Variants in GRN observed in about 807,000 individuals in gnomAD.
GRN encodes the protein granulin precursor.
In GRN, 30 loss-of-function variants were observed where a neutral mutation model predicts 66.7. The ratio of observed to expected loss-of-function variants is 0.45; its 90% confidence interval spans 0.34 to 0.61. The LOEUF (loss-of-function observed/expected upper bound fraction) is 0.61. Ranked by LOEUF, GRN falls within the 20% of genes least tolerant of loss-of-function variation. GRN has a pLI of 0.01. For missense variants in GRN, 731 were observed against 803.5 expected, an observed-to-expected ratio of 0.91 and a Z score of 1.09; for synonymous variants, 327 against 311.1, an observed-to-expected ratio of 1.05 and a Z score of -0.54.
intron 6 of GRN, 50 bp from the exon 7 acceptor site, chr17:44,350,641 G>GAA (rs1157530368): frequency 6.2e-7 from 1 of 1,612,064 alleles, no homozygotes; most frequent in Non-Finnish European, 8.5e-7. Context: ...CCAAGTGTAG[G>GAA]AAAAAGTTTC....
In GRN at chr17:44,349,559, T is replaced by A; in HGVS notation, c.264+8T>A. The A allele has an allele frequency of 1.2e-6, 2 of 1,614,156 alleles. No individual in the cohort carries two copies. Among genetic ancestry groups the A allele is most frequent in the Non-Finnish European group, 1.7e-6 (2 of 1,180,036 alleles). ...TGCTGCCCCTTCCCAGAGGTGAGCG[T>A]GCCATCAGCCCAGTGGAGGGGCTTA... is the stretch of plus-strand genomic sequence containing the variant. On this transcript the variant is annotated splice_region_variant and intron_variant, in intron 3 of 12. Transcript: ENST00000053867.
chr17:44,349,042 A>G, intron 1 of GRN, 116 bp from the exon 2 acceptor site: 1 of 1,126,152 alleles, frequency 8.9e-7, no homozygotes, highest in Non-Finnish European at 1.3e-6. Flanking sequence ...AGGTGTTGAG[A>G]AGGCTCAGGC....
chr17:44,349,619 C>T (rs910170371), intron 3 of GRN, 48 bp from the exon 4 acceptor site: 1 of 1,610,342 alleles, frequency 6.2e-7, no homozygotes, highest in Non-Finnish European at 8.5e-7. Context: ...ACTCTACCAC[C>T]TGCAGATAAA....
chr17:44,352,808 C>T lies in GRN; in HGVS notation c.*10C>T. The T allele has an allele frequency of 1.2e-6, 2 of 1,610,246 alleles. No homozygotes were observed. The highest frequency in any genetic ancestry group is 1.7e-6 in the Non-Finnish European group (2 of 1,179,822). ...GAGACAGCTGCTGTGAGGGACAGTA[C>T]TGAAGACTCTGCAGCCCTCGGGACC... On this transcript the variant is annotated 3_prime_UTR_variant, in exon 13 of 13. Transcript: ENST00000053867.
Position 44,352,268 on chromosome 17 carries a change from C to A in GRN, c.1413+20C>A. ...CCCCATGTGAGTGCCTCCCTGCCTG[C>A]CCCTGGATAGGGGAGCTAAGCCCAG... On this transcript the variant is annotated intron_variant, in intron 11 of 12. Coordinates refer to ENST00000053867, the MANE Select transcript of GRN (RefSeq NM_002087.4). 6.2e-7 allele frequency: 1 copy of A among 1,601,852 alleles called. No homozygotes were observed. The highest frequency in any genetic ancestry group is 8.5e-7 in the Non-Finnish European group (1 of 1,170,836).
At position 44,350,533 on chromosome 17, in the gene GRN, A is replaced by G; in HGVS notation, c.554A>G (p.His185Arg). The G allele has an allele frequency of 6.2e-7, 1 of 1,613,710 alleles. No individual in the cohort carries two copies. Among genetic ancestry groups the G allele is most frequent in the Non-Finnish European group, 8.5e-7 (1 of 1,179,904 alleles). ...CGCTGCATCACACCCACGGGCACCC[A>G]CCCCCTGGCAAAGAAGCTCCCTGCC... ...HTRCITPTGT[H>R]PLAKKLPAQR... Residue 185 changes from histidine (H) to arginine (R), a missense_variant, in exon 6 of 13, where the codon CAC (histidine) becomes CGC (arginine). By Grantham distance (29) the His-to-Arg change is conservative. This residue lies in a region of GRN where 370 missense variants were observed against 379.8 expected (regional missense o/e 0.97). Coordinates refer to ENST00000053867, the MANE Select transcript of GRN (RefSeq NM_002087.4).
chr17:44,350,906 G>C (rs1455208667), intron 7 of GRN, 106 bp downstream of exon 7: 1 of 1,406,036 alleles, frequency 7.1e-7, no homozygotes, highest in African/African-American at 1.4e-5. Context: ...CTGCTTGCTG[G>C]GAGCCTGGCT....
chr17:44,349,265 C>A lies in GRN; in HGVS notation c.101C>A (p.Pro34His). 6.2e-7 allele frequency: 1 copy of A among 1,614,000 alleles called. No homozygotes were observed. The highest frequency in any genetic ancestry group is 1.1e-5 in the South Asian group (1 of 91,092). The change falls in exon 2 of 13, where the codon CCC (proline) becomes CAC (histidine). Residue 34 changes from proline (P) to histidine (H), a missense_variant. By Grantham distance (77) the Pro-to-His change is moderately conservative. Around this residue, in one of 3 missense-constraint regions of GRN, gnomAD observed 370 missense variants for 379.8 expected, o/e 0.97. Transcript: ENST00000053867. ...TGCCCTGTGGCCTGCTGCCTGGACC[C>A]CGGAGGAGCCAGCTACAGCTGCTGC... ...QFCPVACCLDPGGASYSCCRP... is the reference protein window; with the variant it reads ...QFCPVACCLDHGGASYSCCRP...
Position 44,351,777 on chromosome 17 carries a change from C to T in GRN, c.1161C>T (p.Gly387=), listed in dbSNP as rs1480054724. ...TCCQLTSGEW[G]CCPIPEAVCC... ...GCCAACTCACGTCTGGGGAGTGGGG[C>T]TGCTGTCCAATCCCAGAGGTATATG... is the stretch of plus-strand genomic sequence containing the variant. The change falls in exon 10 of 13, where the codon GGC becomes GGT. Residue 387 remains glycine, a synonymous_variant. Coordinates refer to ENST00000053867, the MANE Select transcript of GRN (RefSeq NM_002087.4). 3.1e-6 allele frequency: 5 copies of T among 1,613,254 alleles called. No individual in the cohort carries two copies. The highest frequency in any genetic ancestry group is 2.2e-5 in the East Asian group (1 of 44,900).
In GRN at chr17:44,352,923, A is replaced by C; in HGVS notation, c.*125A>C. 1.6e-5 allele frequency: 15 copies of C among 918,864 alleles called. No homozygotes were observed. Among genetic ancestry groups the C allele is most frequent in the Non-Finnish European group, 2.6e-5 (15 of 585,418 alleles). 56.9% of individuals were successfully genotyped at this position (918,864 alleles called of 1,614,324 possible). A position where few individuals can be genotyped will look rare whatever the true frequency, so the allele number is the denominator to read the frequency against. On this transcript the variant is annotated 3_prime_UTR_variant, in exon 13 of 13. Coordinates refer to ENST00000053867, the MANE Select transcript of GRN (RefSeq NM_002087.4). ...ACCCCATTCTGAGCTCCCCATCACC[A>C]TGGGAGGTGGGGCCTCAATCTAAGG... is the stretch of plus-strand genomic sequence containing the variant.
In GRN at chr17:44,351,783, T is replaced by C; in HGVS notation, c.1167T>C (p.Cys389=). ...CQLTSGEWGC[C]PIPEAVCCSD... ...TCACGTCTGGGGAGTGGGGCTGCTG[T>C]CCAATCCCAGAGGTATATGGGAGGG... The change falls in exon 10 of 13, where the codon TGT becomes TGC. Residue 389 remains cysteine, a synonymous_variant. Transcript: ENST00000053867. The C allele has an allele frequency of 1.2e-6, 2 of 1,613,302 alleles. No homozygotes were observed. Among genetic ancestry groups the C allele is most frequent in the Non-Finnish European group, 8.5e-7 (1 of 1,179,912 alleles).
At position 44,352,464 on chromosome 17, in the gene GRN, C is replaced by G; in HGVS notation, c.1537C>G (p.His513Asp). Residue 513 changes from histidine to aspartate, a missense_variant, in exon 12 of 13, where the codon CAC (histidine) becomes GAC (aspartate). Physicochemically the swap from His to Asp is moderately conservative, Grantham distance 81. Transcript: ENST00000053867. ...TGCCACCTTCCTGGCCCGTAGCCCT[C>G]ACGTGGGTGTGAAGGACGTGGAGTG... ...QPATFLARSP[H>D]VGVKDVECGE... 2 of 1,614,106 alleles carry G rather than the reference C, an allele frequency of 1.2e-6. No individual in the cohort carries two copies. The highest frequency in any genetic ancestry group is 1.7e-6 in the Non-Finnish European group (2 of 1,179,998).
Position 44,352,903 on chromosome 17 carries a change from A to C in GRN, c.*105A>C. On this transcript the variant is annotated 3_prime_UTR_variant, in exon 13 of 13. Coordinates refer to ENST00000053867, the MANE Select transcript of GRN (RefSeq NM_002087.4). ...CCTAACCAAATTCTCCCTGGACCCC[A>C]TTCTGAGCTCCCCATCACCATGGGA... 9.2e-7 allele frequency: 1 copy of C among 1,091,970 alleles called. No homozygotes were observed. The allele number at this position is 1,091,970 out of a possible 1,614,324, so 67.6% of individuals were successfully genotyped here. A position where few individuals can be genotyped will look rare whatever the true frequency, so the allele number is the denominator to read the frequency against.
chr17:44,349,104 A>G (rs2048346631), intron 1 of GRN, 54 bp from the exon 2 acceptor site: 4 of 1,595,642 alleles, frequency 2.5e-6, no homozygotes, highest in Non-Finnish European at 3.4e-6. Context: ...TGACCCTAGA[A>G]TCAAGGGTGG....
In GRN at chr17:44,351,367, G is replaced by A; in HGVS notation, c.840G>A (p.Gly280=). ...LLTKLPAHTV[G]DVKCDMEVSC... ...TCCTCTCTGCTTCCCTCACAGTGGG[G>A]GATGTGAAATGTGACATGGAGGTGA... The change falls in exon 9 of 13, where the codon GGG becomes GGA. Residue 280 remains glycine (G), a synonymous_variant. Coordinates refer to ENST00000053867, the MANE Select transcript of GRN (RefSeq NM_002087.4). The A allele has an allele frequency of 6.2e-7, 1 of 1,611,308 alleles. No homozygotes were observed. The highest frequency in any genetic ancestry group is 2.2e-5 in the East Asian group (1 of 44,864).
At chr17:44,348,342 C>G (rs1191374820) in intron 1 of GRN, among the ~76,000 whole-genome samples, 3 of 152,178 alleles carry the variant, frequency 2.0e-5, no homozygotes, top group Non-Finnish European at 4.4e-5. Flanking sequence ...ATGGGCAGCC[C>G]AGTGGGCACA....
At position 44,349,288 on chromosome 17, in the gene GRN, T is replaced by C. The variant is rs1160868911; in HGVS notation, c.124T>C (p.Cys42Arg). Residue 42 changes from cysteine to arginine, a missense_variant, in exon 2 of 13, where the codon TGC becomes CGC. By Grantham distance (180) the Cys-to-Arg change is radical (BLOSUM62 -3). Coordinates refer to ENST00000053867, the MANE Select transcript of GRN (RefSeq NM_002087.4). ...LDPGGASYSCCRPLLDKWPTT... is the reference protein window; with the variant it reads ...LDPGGASYSCRRPLLDKWPTT... ...CCCCGGAGGAGCCAGCTACAGCTGCTGCCGTCCCCTTCTGGTGAGTGCCCC... is the reference window on the plus strand; with the variant it reads ...CCCCGGAGGAGCCAGCTACAGCTGCCGCCGTCCCCTTCTGGTGAGTGCCCC... 4 of 1,613,950 alleles carry C rather than the reference T, an allele frequency of 2.5e-6. No homozygotes were observed. The South Asian group carries it at 4.4e-5, about 18-fold the overall frequency.
Position 44,352,396 on chromosome 17 carries a change from T to G in GRN, c.1469T>G (p.Val490Gly). ...HCCPAGYTCN[V>G]KARSCEKEVV... is the part of the protein sequence containing the mutation. Reference sequence around the variant, plus strand: ...TGCCCGGCTGGCTACACCTGCAACGTGAAGGCTCGATCCTGCGAGAAGGAA... The same window carrying G: ...TGCCCGGCTGGCTACACCTGCAACGGGAAGGCTCGATCCTGCGAGAAGGAA... Residue 490 changes from valine (V) to glycine (G), a missense_variant, in exon 12 of 13, where the codon GTG becomes GGG. Around this residue, in one of 3 missense-constraint regions of GRN, gnomAD observed 319 missense variants for 347.2 expected, o/e 0.92. Coordinates refer to ENST00000053867, the MANE Select transcript of GRN (RefSeq NM_002087.4). The G allele has an allele frequency of 6.2e-7, 1 of 1,613,972 alleles. No homozygotes were observed. The highest frequency in any genetic ancestry group is 8.5e-7 in the Non-Finnish European group (1 of 1,180,030).
At chr17:44,349,970 G>A (rs1478760383) in intron 4 of GRN, 8 of 639,570 alleles carry the variant, frequency 1.3e-5, no homozygotes, top group South Asian at 7.2e-5. Flanking sequence ...CGTTGTGGGG[G>A]TGGGGAGAGG....
Sources: allele counts gnomAD v4.1 joint callset (sites outside exome capture counted in the v4.1 genomes callset), GRCh38; gene constraint gnomAD v4.1.1; regional missense constraint gnomAD v4.1.1; transcripts MANE v1.5; gene names NCBI Gene and HGNC (gene_info 2026-07-23, HGNC 2026-07-21).